The following LDLRAD4 variants were observed in gnomAD, a reference collection of about 807,000 sequenced individuals.
LDLRAD4 encodes the protein low density lipoprotein receptor class A domain containing 4.
In LDLRAD4, 5 loss-of-function variants were observed where a neutral mutation model predicts 17.0. That is an observed-to-expected ratio of 0.29 (90% confidence interval 0.15 to 0.62). LDLRAD4 has a LOEUF of 0.62. Among genes scored for constraint, LDLRAD4 ranks in the 20% least tolerant of loss-of-function variants. The pLI is 0.84. For synonymous variants in LDLRAD4, 168 were observed against 171.8 expected (o/e 0.98, Z 0.17); for missense variants, 340 against 424.7 (o/e 0.80, Z 1.75).
chr18:13,592,170 G>A (rs1282636805), intron 3 of LDLRAD4, among the ~76,000 whole-genome samples: 1 of 152,344 alleles, frequency 6.6e-6, no homozygotes, highest in African/African-American at 2.4e-5. Context: ...GAATAGGAAG[G>A]AATGATATAT....
chr18:13,408,582 C>G (rs1389534044), intron 2 of LDLRAD4, among the ~76,000 whole-genome samples: 1 of 151,932 alleles, frequency 6.6e-6, no homozygotes, highest in Non-Finnish European at 1.5e-5. Context: ...AAGCAATTCT[C>G]CTGCCTCAGC....
intron 1 of LDLRAD4, among the ~76,000 whole-genome samples, chr18:13,292,824 C>T (rs943830778): frequency 4.6e-5 from 7 of 152,204 alleles, no homozygotes; most frequent in Non-Finnish European, 8.8e-5. Context: ...TTTTCATTGG[C>T]GATCCCGTTA....
intron 3 of LDLRAD4, among the ~76,000 whole-genome samples, chr18:13,604,664 T>C (rs2095202332): frequency 6.6e-6 from 1 of 152,286 alleles, no homozygotes; most frequent in Admixed American, 6.5e-5. Context: ...AAGTGAAAAT[T>C]GTGATATATT....
chr18:13,627,253 G>A (rs947885750), intron 4 of LDLRAD4, among the ~76,000 whole-genome samples: 6 of 152,060 alleles, frequency 3.9e-5, no homozygotes, highest in Non-Finnish European at 7.3e-5. Context: ...AGAGGGAGAC[G>A]CCATCTCAAA....
At chr18:13,589,263 C>T (rs747446251) in intron 3 of LDLRAD4, among the ~76,000 whole-genome samples, 15 of 152,118 alleles carry the variant, frequency 9.9e-5, no homozygotes, top group Non-Finnish European at 2.1e-4. Flanking sequence ...TGGTTGGTTT[C>T]TGTCCCCAAA....
upstream of LDLRAD4, among the ~76,000 whole-genome samples, chr18:13,274,366 T>C (rs113776560): frequency 4.3e-4 from 65 of 152,324 alleles, no homozygotes; most frequent in African/African-American, 1.6e-3. Flanking sequence ...TCCAGTTCCC[T>C]GCTGGCCCCT....
intron 3 of LDLRAD4, among the ~76,000 whole-genome samples, chr18:13,452,295 G>A (rs1335901233): frequency 1.3e-5 from 2 of 152,206 alleles, no homozygotes; most frequent in African/African-American, 2.4e-5. Context: ...GTTCACGGTG[G>A]CAGCGGCGGC....
In LDLRAD4 at chr18:13,645,639, G is replaced by A. The variant is rs2042985072; in HGVS notation, c.903G>A (p.Lys301=). ...TACCCATCAAAGGCAAAGATAGGAAGCCTGGGAACCTGGTCTGATTCCTTC... is the reference window on the plus strand; with the variant it reads ...TACCCATCAAAGGCAAAGATAGGAAACCTGGGAACCTGGTCTGATTCCTTC... Residue 301 remains lysine, a synonymous_variant, in exon 6 of 6, where the codon AAG becomes AAA. Coordinates refer to ENST00000359446, the Ensembl canonical transcript of LDLRAD4. This position sits in a 1 kb window ranked among gnomAD's most constrained non-coding sequence, Gnocchi z 5.7. 6.6e-7 allele frequency: 1 copy of A among 1,515,280 alleles called. No homozygotes were observed. The highest frequency in any genetic ancestry group is 2.3e-5 in the Admixed American group (1 of 44,110). 93.9% of individuals were successfully genotyped at this position (1,515,280 alleles called of 1,614,324 possible).
chr18:13,442,411 G>A (rs2091081487), intron 3 of LDLRAD4, among the ~76,000 whole-genome samples: 1 of 152,248 alleles, frequency 6.6e-6, no homozygotes, highest in South Asian at 2.1e-4. Context: ...TGGATGGCAA[G>A]AGGAGAGGAC....
At chr18:13,429,256 G>C (rs1416891954) in intron 2 of LDLRAD4, among the ~76,000 whole-genome samples, 1 of 152,212 alleles carries the variant, frequency 6.6e-6, no homozygotes, top group African/African-American at 2.4e-5. Context: ...TTGGTGCAGT[G>C]ATGGGCCCCA....
chr18:13,255,389 C>A (rs538641390), intron 1 of LDLRAD4, among the ~76,000 whole-genome samples: 3 of 152,258 alleles, frequency 2.0e-5, no homozygotes, highest in Non-Finnish European at 4.4e-5. Context: ...CATATGGGTA[C>A]TGGGGAAGAT....
rs185620712 is a variant in LDLRAD4, at chr18:13,582,379, A to G, written c.182-38738A>G. Among the ~76,000 whole-genome samples the G allele has an allele frequency of 4.7e-3, 713 of 152,340 alleles. 7 individuals carry two copies. Among genetic ancestry groups the G allele is most frequent in the African/African-American group, 0.017 (692 of 41,578 alleles). The stretch of plus-strand genomic sequence containing the variant: ...CCGCAGCATGGTAGCTGCGCCATCA[A>G]TCAAAGAACTGCATCTAAACCGCCT... On this transcript the variant is annotated intron_variant, in intron 3 of 5. Coordinates refer to ENST00000359446, the Ensembl canonical transcript of LDLRAD4.
At chr18:13,299,146 G>A (rs973740136) in intron 1 of LDLRAD4, among the ~76,000 whole-genome samples, 2 of 152,188 alleles carry the variant, frequency 1.3e-5, no homozygotes, top group African/African-American at 4.8e-5. Context: ...TCCCTGCCAG[G>A]GGCTTGCTTA....
At chr18:13,540,865 C>A (rs767932398) in intron 3 of LDLRAD4, among the ~76,000 whole-genome samples, 4 of 152,196 alleles carry the variant, frequency 2.6e-5, no homozygotes, top group Non-Finnish European at 5.9e-5. Flanking sequence ...TGTCTCACTT[C>A]TGGGCTTGCT....
chr18:13,523,858 C>G (rs1224851003), intron 3 of LDLRAD4, among the ~76,000 whole-genome samples: 1 of 152,202 alleles, frequency 6.6e-6, no homozygotes, highest in African/African-American at 2.4e-5. Context: ...CAGCCCCACC[C>G]TTTGCAGCAG....
At position 13,440,213 on chromosome 18, in the gene LDLRAD4, T is replaced by C. The variant is rs1001562555; in HGVS notation, c.181+1829T>C. On this transcript the variant is annotated intron_variant, in intron 3 of 5. Coordinates refer to ENST00000359446, the Ensembl canonical transcript of LDLRAD4. This position sits in a 1 kb window ranked among gnomAD's most constrained non-coding sequence, Gnocchi z 4.4. ...CCTCTTCTGGTCTGCGGGCTCCTCC[T>C]TTACTTCAGGGCCCTTTTGCCGAGG... Among the ~76,000 whole-genome samples, 2 of 152,200 alleles carry C rather than the reference T, an allele frequency of 1.3e-5. No homozygotes were observed. Among genetic ancestry groups the C allele is most frequent in the African/African-American group, 4.8e-5 (2 of 41,456 alleles).
At chr18:13,514,917 G>A (rs2093840587) in intron 3 of LDLRAD4, 1 of 152,196 alleles carries the variant, frequency 6.6e-6, no homozygotes, top group Non-Finnish European at 1.5e-5. Flanking sequence ...GCTCTTTCAA[G>A]CCCTGGACTG....
At chr18:13,301,153 G>A (rs190271711) in intron 1 of LDLRAD4, among the ~76,000 whole-genome samples, 2 of 152,348 alleles carry the variant, frequency 1.3e-5, no homozygotes, top group African/African-American at 4.8e-5. Context: ...TGCCTACTCG[G>A]TCCTATCTTG....
At chr18:13,263,343 T>C (rs182772957) in intron 1 of LDLRAD4, among the ~76,000 whole-genome samples, 3 of 152,200 alleles carry the variant, frequency 2.0e-5, no homozygotes, top group East Asian at 3.9e-4. Flanking sequence ...CCTGTGGCTC[T>C]GTGTGTGGAG....
Sources: gnomAD v4.1 joint callset for allele counts (sites outside exome capture counted in the v4.1 genomes callset) on GRCh38, gnomAD v4.1.1 for gene constraint, Gnocchi (gnomAD v3.1) non-coding constraint, MANE v1.5 for transcripts, NCBI Gene and HGNC (gene_info 2026-07-23, HGNC 2026-07-21) for gene names.